FARS2: variants seen among roughly 807,000 people sequenced by gnomAD.
The protein encoded by FARS2 is phenylalanine--tRNA ligase, mitochondrial.
In FARS2, 40 loss-of-function variants were observed where a neutral mutation model predicts 46.4. That is an observed-to-expected ratio of 0.86 (90% CI 0.67 to 1.12). The LOEUF (loss-of-function observed/expected upper bound fraction) is 1.12, where lower values mean the gene tolerates loss of function less well. Among genes scored for constraint, FARS2 ranks in the 50% most tolerant of loss-of-function variants. The pLI is 0.00. For missense variants in FARS2, 513 were observed against 567.9 expected, an observed-to-expected ratio of 0.90 and a Z score of 0.98; for synonymous variants, 234 against 214.9, an observed-to-expected ratio of 1.09 and a Z score of -0.78.
chr6:5,293,306 T>C (rs1767629949), intron 1 of FARS2, among the ~76,000 whole-genome samples: 1 of 152,182 alleles, frequency 6.6e-6, no homozygotes, highest in Non-Finnish European at 1.5e-5. Context: ...GGAGAAATTA[T>C]GTGCTGAAAT....
intron 3 of FARS2, among the ~76,000 whole-genome samples, chr6:5,426,023 G>GT (rs146282440): frequency 0.018 from 2,658 of 151,704 alleles, 42 homozygotes; most frequent in African/African-American, 0.041. Flanking sequence ...CCCAGGTGTG[G>GT]TTTTTTTTCC....
chr6:5,708,771 C>A (rs147563849), intron 6 of FARS2, among the ~76,000 whole-genome samples: 1 of 152,294 alleles, frequency 6.6e-6, no homozygotes, highest in East Asian at 1.9e-4. Context: ...AGCCATCCTC[C>A]CACCTCAGCC....
intron 6 of FARS2, among the ~76,000 whole-genome samples, chr6:5,646,549 G>T (rs1777085823): frequency 6.6e-6 from 1 of 152,130 alleles, no homozygotes; most frequent in Non-Finnish European, 1.5e-5. Flanking sequence ...GTAGGGTGTG[G>T]ATTATGAATC....
chr6:5,553,628 C>T (rs145935310), intron 5 of FARS2, among the ~76,000 whole-genome samples: 10 of 152,084 alleles, frequency 6.6e-5, no homozygotes, highest in Non-Finnish European at 1.2e-4. Flanking sequence ...AATCAGTATA[C>T]AGTTTACAGA....
At chr6:5,331,961 ATGCCATGGCACAGC>A (rs1770828341) in intron 1 of FARS2, among the ~76,000 whole-genome samples, 1 of 152,178 alleles carries the variant, frequency 6.6e-6, no homozygotes, top group South Asian at 2.1e-4. Flanking sequence ...GAGCCCTAAT[ATGCCATGGCACAGC>A]TGCTCTAGTA....
chr6:5,572,107 TAAAG>T (rs1216575259), intron 5 of FARS2, among the ~76,000 whole-genome samples: 2 of 152,208 alleles, frequency 1.3e-5, no homozygotes, highest in Non-Finnish European at 2.9e-5. Context: ...TGCATTGCTA[TAAAG>T]AAATACCTGA....
chr6:5,562,713 C>CACACACACACAG (rs1311122240), intron 5 of FARS2, among the ~76,000 whole-genome samples: 1 of 151,920 alleles, frequency 6.6e-6, no homozygotes, highest in Admixed American at 6.6e-5. Flanking sequence ...CACACACACA[C>CACACACACACAG]ACACACACAC....
intron 4 of FARS2, among the ~76,000 whole-genome samples, chr6:5,490,822 A>G (rs979940825): frequency 6.6e-6 from 1 of 152,140 alleles, no homozygotes; most frequent in African/African-American, 2.4e-5. Flanking sequence ...GGTACTGCCT[A>G]CTCACAGCTA....
rs77058460 is a variant in FARS2, at chr6:5,418,760, G to A, written c.773-12281G>A. Among the ~76,000 whole-genome samples, 672 of 152,258 alleles carry A rather than the reference G, an allele frequency of 4.4e-3. 3 individuals are homozygous for A. Among genetic ancestry groups the A allele is most frequent in the Non-Finnish European group, 6.3e-3 (429 of 68,028 alleles). On this transcript the variant is annotated intron_variant, in intron 3 of 6. Transcript: ENST00000274680. ...TCCCGGCTCTGTCTCCTCAAATCAA[G>A]GAGACTTTTGGGCTCTCCCATGTTC...
At position 5,545,204 on chromosome 6, in the gene FARS2, G is replaced by A. The variant is rs933237458; in HGVS notation, c.929G>A (p.Trp310Ter). 6.2e-7 allele frequency: 1 copy of A among 1,613,902 alleles called. No individual in the cohort carries two copies. Among genetic ancestry groups the A allele is most frequent in the East Asian group, 2.2e-5 (1 of 44,872 alleles). The change falls in exon 5 of 7, where the codon TGG becomes TAG. Residue 310 changes from tryptophan to a stop codon, truncating the protein, a stop_gained. Coordinates refer to ENST00000274680, the MANE Select transcript of FARS2 (RefSeq NM_006567.5). LOFTEE classifies it high-confidence loss of function. Reference protein sequence around the residue: ...NSAGAQDRIGWAFGLGLERLA... With the variant: ...NSAGAQDRIG The stretch of plus-strand genomic sequence containing the variant: ...GCTGGTGCTCAAGACCGAATCGGCT[G>A]GGCTTTTGGCCTAGGATTAGAAAGG...
rs150224482 is a variant in FARS2 at position 5,331,659 on chromosome 6, G to T, written c.-21-36891G>T. ...CTCAGCTGGTATTGTTACTGGGTCA[G>T]AGTGGGGTTGAGTCTGAAAGGCAGA... On this transcript the variant is annotated intron_variant, in intron 1 of 6. Transcript: ENST00000274680. Among the ~76,000 whole-genome samples, 344 of 152,350 alleles carry T rather than the reference G, an allele frequency of 2.3e-3. 1 individual carries two copies. The highest frequency in any genetic ancestry group is 7.9e-3 in the African/African-American group (330 of 41,582).
intron 3 of FARS2, among the ~76,000 whole-genome samples, chr6:5,422,905 C>G (rs765815744): frequency 3.2e-4 from 48 of 152,160 alleles, no homozygotes; most frequent in African/African-American, 6.5e-4. Context: ...CTGTGTTAGG[C>G]TTTTTACACA....
intron 4 of FARS2, among the ~76,000 whole-genome samples, chr6:5,438,663 A>T (rs1763673767): frequency 6.6e-6 from 1 of 152,164 alleles, no homozygotes; most frequent in East Asian, 1.9e-4. Flanking sequence ...AATATCCATT[A>T]TCCAAAATGC....
chr6:5,367,297 A>G (rs1758746904), intron 1 of FARS2, among the ~76,000 whole-genome samples: 1 of 152,226 alleles, frequency 6.6e-6, no homozygotes, highest in African/African-American at 2.4e-5. Flanking sequence ...AAACAGCCAC[A>G]TAGTTGTATG....
At chr6:5,288,088 A>G (rs549354139) in intron 1 of FARS2, among the ~76,000 whole-genome samples, 1 of 152,212 alleles carries the variant, frequency 6.6e-6, no homozygotes, top group Admixed American at 6.5e-5. Context: ...TGCATCCAAC[A>G]TGTTTGTTCC....
At chr6:5,289,560 C>T (rs910346146) in intron 1 of FARS2, among the ~76,000 whole-genome samples, 7 of 152,138 alleles carry the variant, frequency 4.6e-5, no homozygotes, top group Admixed American at 2.0e-4. Flanking sequence ...TGATTGGTTG[C>T]GGAAAGGGAC....
intron 1 of FARS2, among the ~76,000 whole-genome samples, chr6:5,272,274 T>G (rs1164379611): frequency 6.6e-6 from 1 of 152,244 alleles, no homozygotes; most frequent in Non-Finnish European, 1.5e-5. Flanking sequence ...ATATTCTTTC[T>G]CTTTTTCATA....
At position 5,390,096 on chromosome 6, in the gene FARS2, TCAAGTGATCCA is replaced by T. The variant is rs542282046; in HGVS notation, c.613-14444_613-14434del. Among the ~76,000 whole-genome samples the T allele has an allele frequency of 3.9e-3, 595 of 152,290 alleles. 2 individuals carry two copies. The highest frequency in any genetic ancestry group is 0.014 in the African/African-American group (576 of 41,560). ...CCAGGCTGGTCTTGAACTCCTGGCC[TCAAGTGATCCA>T]CCCATGTCGGCCTCCCAAAGTGCTG... On this transcript the variant is annotated intron_variant, in intron 2 of 6. Coordinates refer to ENST00000274680, the MANE Select transcript of FARS2 (RefSeq NM_006567.5).
intron 4 of FARS2, among the ~76,000 whole-genome samples, chr6:5,526,190 T>C (rs1769455244): frequency 6.6e-6 from 1 of 152,150 alleles, no homozygotes; most frequent in Admixed American, 6.5e-5. Context: ...AAGGAAAGAG[T>C]TGTCTCTCAG....
Sources: allele counts gnomAD v4.1 joint callset (sites outside exome capture counted in the v4.1 genomes callset), GRCh38; gene constraint gnomAD v4.1.1; transcripts MANE v1.5; gene names NCBI Gene and HGNC (gene_info 2026-07-23, HGNC 2026-07-21).